GPC5: variants seen among roughly 807,000 people sequenced by gnomAD.
The protein encoded by GPC5 is glypican 5.
Under a neutral mutation model 53.9 loss-of-function variants are expected in GPC5, and 47 were observed. The observed-to-expected ratio is 0.87, with a 90% CI of 0.69 to 1.11. GPC5 has a LOEUF of 1.11. Ranked by LOEUF, GPC5 falls within the 50% of genes most tolerant of loss-of-function variation. The probability of loss-of-function intolerance (pLI) is 0.00; values close to 1 mark genes in which losing one functional copy is unlikely to be tolerated. For synonymous variants in GPC5, 286 were observed against 263.3 expected (o/e 1.09, Z -0.84); for missense variants, 748 against 713.1 (o/e 1.05, Z -0.56).
At chr13:91,979,436 G>A (rs1282054487) in intron 6 of GPC5, among the ~76,000 whole-genome samples, 1 of 152,112 alleles carries the variant, frequency 6.6e-6, no homozygotes, top group African/African-American at 2.4e-5. Context: ...GTTATCACAT[G>A]TATTAACTGT....
chr13:91,743,213 A>G (rs1375429291), intron 4 of GPC5, among the ~76,000 whole-genome samples: 1 of 152,218 alleles, frequency 6.6e-6, no homozygotes, highest in East Asian at 1.9e-4. Flanking sequence ...AGAGTTGGAA[A>G]GAACCTCAAG....
intron 5 of GPC5, among the ~76,000 whole-genome samples, chr13:91,812,045 A>G (rs1422873575): frequency 2.6e-5 from 4 of 152,192 alleles, no homozygotes; most frequent in African/African-American, 9.6e-5. Flanking sequence ...AGTGGCGGGT[A>G]GTACCTGAAA....
Position 92,811,597 on chromosome 13 carries a change from G to A in GPC5, c.1562-54685G>A, listed in dbSNP as rs1000204399. Among the ~76,000 whole-genome samples the A allele has an allele frequency of 5.3e-5, 8 of 151,724 alleles. No homozygotes were observed. The East Asian group carries it at 1.6e-3, about 29-fold the overall frequency. ...TTTTTAGTTTCTTAATAATGTCTTT[G>A]ATGCAGAAACATTTTTAATTTTGGT... On this transcript the variant is annotated intron_variant, in intron 7 of 7. Transcript: ENST00000377067.
At chr13:91,938,441 G>A (rs1014656034) in intron 6 of GPC5, among the ~76,000 whole-genome samples, 38 of 152,044 alleles carry the variant, frequency 2.5e-4, no homozygotes, top group African/African-American at 6.3e-4. Context: ...AAACACTTCC[G>A]ACCCGGCCCC....
intron 7 of GPC5, among the ~76,000 whole-genome samples, chr13:92,149,928 G>A (rs1401962062): frequency 6.6e-6 from 1 of 151,688 alleles, no homozygotes; most frequent in Non-Finnish European, 1.5e-5. Flanking sequence ...AGATTTGAAT[G>A]CCATTATACT....
chr13:91,825,906 C>G (rs1472990000), intron 5 of GPC5, among the ~76,000 whole-genome samples: 1 of 152,072 alleles, frequency 6.6e-6, no homozygotes, highest in Non-Finnish European at 1.5e-5. Flanking sequence ...CTCAACAGTA[C>G]TTACATGAGG....
chr13:92,089,095 A>G (rs888394017), intron 6 of GPC5, among the ~76,000 whole-genome samples: 1 of 152,176 alleles, frequency 6.6e-6, no homozygotes, highest in African/African-American at 2.4e-5. Context: ...CAAGTCCGGA[A>G]AAATAGAAAA....
At chr13:91,548,466 A>C (rs1181125530) in intron 2 of GPC5, among the ~76,000 whole-genome samples, 1 of 152,210 alleles carries the variant, frequency 6.6e-6, no homozygotes, top group Middle Eastern at 3.2e-3. Flanking sequence ...TCAAAGAACT[A>C]AATTAATGGA....
At chr13:92,038,379 GATA>G (rs1566406911) in intron 6 of GPC5, among the ~76,000 whole-genome samples, 10 of 126,982 alleles carry the variant, frequency 7.9e-5, no homozygotes, top group African/African-American at 3.0e-4. Flanking sequence ...TAGATAGATA[GATA>G]GGTAGATAGA....
chr13:92,282,810 G>A (rs778889937), intron 7 of GPC5, among the ~76,000 whole-genome samples: 7 of 152,238 alleles, frequency 4.6e-5, no homozygotes, highest in East Asian at 3.9e-4. Context: ...AAAGACCATC[G>A]ATGCTAGGAA....
chr13:92,779,616 C>G (rs1437196674), intron 7 of GPC5, among the ~76,000 whole-genome samples: 1 of 152,062 alleles, frequency 6.6e-6, no homozygotes, highest in African/African-American at 2.4e-5. Context: ...CCTCTTTATC[C>G]CAAAGTACTG....
intron 7 of GPC5, among the ~76,000 whole-genome samples, chr13:92,275,901 TG>T (rs2042871844): frequency 6.6e-6 from 1 of 152,116 alleles, no homozygotes; most frequent in Admixed American, 6.6e-5. Flanking sequence ...AATTCTTTGT[TG>T]GGGGTAATAG....
intron 5 of GPC5, among the ~76,000 whole-genome samples, chr13:91,880,237 A>G (rs567186926): frequency 6.6e-6 from 1 of 152,208 alleles, no homozygotes; most frequent in East Asian, 1.9e-4. Flanking sequence ...ACACGTATTT[A>G]ACTTTCTAAG....
At chr13:92,193,270 A>G (rs2042236087) in intron 7 of GPC5, among the ~76,000 whole-genome samples, 1 of 152,268 alleles carries the variant, frequency 6.6e-6, no homozygotes. Context: ...TTTTACATTG[A>G]AATAAAATAT....
At chr13:92,061,293 G>T (rs766061376) in intron 6 of GPC5, among the ~76,000 whole-genome samples, 2 of 151,998 alleles carry the variant, frequency 1.3e-5, no homozygotes, top group Non-Finnish European at 2.9e-5. Flanking sequence ...AATTGGTTTT[G>T]CAGAGTGCAA....
intron 7 of GPC5, among the ~76,000 whole-genome samples, chr13:92,363,492 G>A (rs1004276164): frequency 7.9e-5 from 12 of 151,756 alleles, no homozygotes; most frequent in African/African-American, 1.9e-4. Flanking sequence ...TAGATCCCTC[G>A]CATGTACAGT....
At chr13:92,211,864 C>T (rs934288604) in intron 7 of GPC5, among the ~76,000 whole-genome samples, 1 of 152,156 alleles carries the variant, frequency 6.6e-6, no homozygotes, top group African/African-American at 2.4e-5. Flanking sequence ...GAATCAGGAA[C>T]TAAATTATCC....
chr13:91,891,986 A>G (rs1486924285), intron 5 of GPC5, among the ~76,000 whole-genome samples: 1 of 152,106 alleles, frequency 6.6e-6, no homozygotes. Flanking sequence ...AAAAGTTTAT[A>G]ATTGACAAGG....
intron 7 of GPC5, among the ~76,000 whole-genome samples, chr13:92,550,576 G>A (rs952454420): frequency 1.3e-5 from 2 of 151,648 alleles, no homozygotes; most frequent in South Asian, 2.1e-4. Flanking sequence ...ATATTCCAAC[G>A]GCAGGTATTA....
Sources: gnomAD v4.1 joint callset for allele counts (sites outside exome capture counted in the v4.1 genomes callset) on GRCh38, gnomAD v4.1.1 for gene constraint, MANE v1.5 for transcripts, NCBI Gene and HGNC (gene_info 2026-07-23, HGNC 2026-07-21) for gene names.